PAMR1: variants seen among roughly 807,000 people sequenced by gnomAD.
The protein encoded by PAMR1 is peptidase domain containing associated with muscle regeneration 1.
Under a neutral mutation model 81.8 loss-of-function variants are expected in PAMR1, and 88 were observed. The observed-to-expected ratio is 1.08, with a 90% confidence interval of 0.91 to 1.28. The LOEUF is 1.28. Ranked by LOEUF, PAMR1 falls within the 50% of genes most tolerant of loss-of-function variation. The pLI is 0.00. For missense variants in PAMR1, 935 were observed against 919.7 expected (o/e 1.02, Z -0.21); for synonymous variants, 336 against 345.3 (o/e 0.97, Z 0.30).
At chr11:35,502,802 TTGATTGTTTCCTTTG>T in intron 1 of PAMR1, among the ~76,000 whole-genome samples, 1 of 152,072 alleles carries the variant, frequency 6.6e-6, no homozygotes, top group Non-Finnish European at 1.5e-5. Context: ...CTTCAATTTG[TTGATTGTTTCCTTTG>T]CTGTGCAGAA....
At position 35,434,718 on chromosome 11, in the gene PAMR1, C is replaced by T. The variant is rs577038460; in HGVS notation, c.1420G>A (p.Gly474Arg). 2.5e-5 allele frequency: 41 copies of T among 1,614,150 alleles called. No individual in the cohort carries two copies. The highest frequency in any genetic ancestry group is 1.1e-4 in the East Asian group (5 of 44,882). The change falls in exon 10 of 11, where the codon GGG (glycine) becomes AGG (arginine). Residue 474 changes from glycine (G) to arginine (R), a missense_variant. Coordinates refer to ENST00000619888, the MANE Select transcript of PAMR1 (RefSeq NM_001001991.3). Reference protein sequence around the residue: ...WQAAIYRRTSGVHDGSLHKGA... With the variant: ...WQAAIYRRTSRVHDGSLHKGA... ...TTGTGTAGGCTGCCGTCATGCACCC[C>T]GCTGGTCCTCCTGTAGATGGCTGCC...
rs200736970 is a variant in PAMR1 at position 35,506,116 on chromosome 11, T to TA, written c.74-11845dup. ...CAGATGACAACTTACCTTAGATCAC[T>TA]AAAAAAAAAAAACAGGAAGAAAGAA... On this transcript the variant is annotated intron_variant, in intron 1 of 10. Coordinates refer to ENST00000619888, the MANE Select transcript of PAMR1 (RefSeq NM_001001991.3). Among the ~76,000 whole-genome samples the TA allele has an allele frequency of 4.1e-3, 600 of 145,888 alleles. 2 individuals are homozygous for TA. Among genetic ancestry groups the TA allele is most frequent in the Middle Eastern group, 0.021 (6 of 282 alleles).
At chr11:35,479,277 C>T (rs1374968595) in intron 3 of PAMR1, among the ~76,000 whole-genome samples, 4 of 152,110 alleles carry the variant, frequency 2.6e-5, no homozygotes, top group East Asian at 1.9e-4. Context: ...TGATGCCAGC[C>T]GGGGTCCGAA....
rs151317130 is a variant in PAMR1, at chr11:35,461,624, C to G, written c.820+6377G>C. On this transcript the variant is annotated intron_variant, in intron 6 of 10. Coordinates refer to ENST00000619888, the MANE Select transcript of PAMR1 (RefSeq NM_001001991.3). ...TTCCCCAAAATTAAAAAAAAAAACA[C>G]ACATACACACCCACACACACACACA... 6.1e-3 allele frequency among the ~76,000 whole-genome samples: 922 copies of G among 151,890 alleles called. 9 individuals carry two copies. Among genetic ancestry groups the G allele is most frequent in the African/African-American group, 0.022 (891 of 41,424 alleles).
rs1169791282 is a variant in PAMR1 at position 35,432,713 on chromosome 11, A to G, written c.1806T>C (p.Asn602=). 7.4e-6 allele frequency: 12 copies of G among 1,614,024 alleles called. No homozygotes were observed. Among genetic ancestry groups the G allele is most frequent in the Non-Finnish European group, 9.3e-6 (11 of 1,179,888 alleles). The change falls in exon 11 of 11, where the codon AAT becomes AAC. Residue 602 remains asparagine (N), a synonymous_variant. Coordinates refer to ENST00000619888, the MANE Select transcript of PAMR1 (RefSeq NM_001001991.3). ...QESHITVAGW[N]VLADVRSPGF... The stretch of plus-strand genomic sequence containing the variant: ...CAGGGCTCCTCACGTCTGCCAGGAC[A>G]TTCCAGCCAGCCACAGTGATGTGGG...
intron 1 of PAMR1, among the ~76,000 whole-genome samples, chr11:35,521,903 G>A (rs774653694): frequency 9.2e-5 from 14 of 151,490 alleles, no homozygotes; most frequent in Admixed American, 5.9e-4. Context: ...CTTTCAAATC[G>A]TTTTTTGTTT....
intron 3 of PAMR1, among the ~76,000 whole-genome samples, chr11:35,483,156 T>C (rs1850433051): frequency 1.3e-5 from 2 of 152,192 alleles, no homozygotes; most frequent in African/African-American, 4.8e-5. Context: ...TTTGACCCAA[T>C]CAAGGGTTAA....
intron 1 of PAMR1, among the ~76,000 whole-genome samples, chr11:35,511,906 C>G (rs540593074): frequency 1.2e-4 from 19 of 152,298 alleles, no homozygotes; most frequent in African/African-American, 3.8e-4. Context: ...AGATTGCTTG[C>G]TGGGGCTCTT....
chr11:35,470,742 C>A lies in PAMR1; in HGVS notation c.571G>T (p.Asp191Tyr). ...YVEVRDGDNR[D>Y]GQIIKRVCGN... Reference sequence around the variant, plus strand: ...CAGACACGCTTGATGATCTGGCCATCGCGGTTGTCTCCATCACGAACCTCA... The same window carrying A: ...CAGACACGCTTGATGATCTGGCCATAGCGGTTGTCTCCATCACGAACCTCA... Residue 191 changes from aspartate to tyrosine, a missense_variant, in exon 5 of 11, where the codon GAT (aspartate) becomes TAT (tyrosine). Coordinates refer to ENST00000619888, the MANE Select transcript of PAMR1 (RefSeq NM_001001991.3). The A allele has an allele frequency of 6.2e-7, 1 of 1,614,046 alleles. No homozygotes were observed. Among genetic ancestry groups the A allele is most frequent in the Non-Finnish European group, 8.5e-7 (1 of 1,179,980 alleles).
intron 8 of PAMR1, among the ~76,000 whole-genome samples, chr11:35,437,574 G>A (rs937358302): frequency 1.7e-4 from 26 of 152,190 alleles, no homozygotes; most frequent in African/African-American, 6.0e-4. Flanking sequence ...TGTCGTTGGG[G>A]GCTTCTGGAT....
intron 6 of PAMR1, among the ~76,000 whole-genome samples, chr11:35,454,176 G>A (rs1480035606): frequency 6.6e-6 from 1 of 152,152 alleles, no homozygotes; most frequent in African/African-American, 2.4e-5. Flanking sequence ...CCAGCTCAAG[G>A]CACCCATTCC....
intron 1 of PAMR1, among the ~76,000 whole-genome samples, chr11:35,501,472 C>T (rs1823731945): frequency 6.6e-6 from 1 of 152,104 alleles, no homozygotes; most frequent in East Asian, 1.9e-4. Context: ...TCTTTTACAA[C>T]AGCTCAAAAC....
At chr11:35,522,129 A>G (rs1590404569) in intron 1 of PAMR1, among the ~76,000 whole-genome samples, 3 of 152,206 alleles carry the variant, frequency 2.0e-5, no homozygotes, top group African/African-American at 4.8e-5. Flanking sequence ...TCACTGTGTT[A>G]GCCAGGATGG....
In PAMR1 at chr11:35,434,613, G is replaced by T. The variant is rs1199696687; in HGVS notation, c.1525C>A (p.Leu509Met). 6.2e-7 allele frequency: 1 copy of T among 1,614,048 alleles called. No individual in the cohort carries two copies. Among genetic ancestry groups the T allele is most frequent in the Non-Finnish European group, 8.5e-7 (1 of 1,180,010 alleles). ...GTCTTGATCATGGTGACCTTCCCCA[G>T]GTCAGTAACACAGTGGGCAGCCACC... is the stretch of plus-strand genomic sequence containing the variant. ...VVVAAHCVTD[L>M]GKVTMIKTAD... The change falls in exon 10 of 11, where the codon CTG becomes ATG. Residue 509 changes from leucine to methionine, a missense_variant. Coordinates refer to ENST00000619888, the MANE Select transcript of PAMR1 (RefSeq NM_001001991.3).
At chr11:35,472,857 T>A (rs925548833) in intron 4 of PAMR1, among the ~76,000 whole-genome samples, 5 of 152,110 alleles carry the variant, frequency 3.3e-5, no homozygotes, top group Non-Finnish European at 5.9e-5. Context: ...AGATCTTGTG[T>A]GGTAAGGAAT....
chr11:35,508,374 C>A (rs541311385), intron 1 of PAMR1, among the ~76,000 whole-genome samples: 1 of 151,962 alleles, frequency 6.6e-6, no homozygotes, highest in East Asian at 1.9e-4. Flanking sequence ...TCTCTGTGGC[C>A]CTTGAAACTC....
At chr11:35,511,897 G>A (rs1189068198) in intron 1 of PAMR1, among the ~76,000 whole-genome samples, 1 of 152,168 alleles carries the variant, frequency 6.6e-6, no homozygotes, top group Non-Finnish European at 1.5e-5. Context: ...AGAGGCGACA[G>A]ATTGCTTGCT....
intron 1 of PAMR1, among the ~76,000 whole-genome samples, chr11:35,499,085 G>GAA (rs988711718): frequency 4.6e-5 from 7 of 152,322 alleles, no homozygotes; most frequent in African/African-American, 1.7e-4. Context: ...TCTGTTGAAT[G>GAA]AATTCGGCCT....
chr11:35,483,267 C>A (rs1431820605), intron 3 of PAMR1, among the ~76,000 whole-genome samples: 3 of 151,902 alleles, frequency 2.0e-5, no homozygotes, highest in African/African-American at 7.2e-5. Flanking sequence ...TCATCTCCTC[C>A]TTCCCCCAGC....
Sources: allele counts gnomAD v4.1 joint callset (sites outside exome capture counted in the v4.1 genomes callset), GRCh38; gene constraint gnomAD v4.1.1; transcripts MANE v1.5; gene names NCBI Gene and HGNC (gene_info 2026-07-23, HGNC 2026-07-21).